The following AAK1 variants were observed in gnomAD, a reference collection of about 807,000 sequenced individuals.
AAK1 encodes AP2 associated kinase 1.
AAK1 carries 37 observed loss-of-function variants against 116.0 expected under a neutral mutation model. The observed-to-expected ratio is 0.32, with a 90% CI of 0.25 to 0.42. The LOEUF is 0.42. Among genes scored for constraint, AAK1 ranks in the 10% least tolerant of loss-of-function variants. The probability of loss-of-function intolerance (pLI) is 1.00; values close to 1 mark genes in which losing one functional copy is unlikely to be tolerated. For missense variants in AAK1, 919 were observed against 1,170.6 expected, an observed-to-expected ratio of 0.79 and a Z score of 3.14; for synonymous variants, 458 against 439.9, an observed-to-expected ratio of 1.04 and a Z score of -0.51.
intron 2 of AAK1, among the ~76,000 whole-genome samples, chr2:69,614,708 T>C (rs1212779304): frequency 6.6e-6 from 1 of 152,142 alleles, no homozygotes; most frequent in African/African-American, 2.4e-5. Flanking sequence ...GTAGGTGTAA[T>C]TAATTGAAAG....
chr2:69,559,271 C>T (rs1218932014), intron 2 of AAK1, among the ~76,000 whole-genome samples: 1 of 120,708 alleles, frequency 8.3e-6, no homozygotes, highest in South Asian at 2.6e-4. Context: ...CTCACACACA[C>T]ACACACACAC....
At chr2:69,639,207 TAATA>T (rs1358652313) in intron 2 of AAK1, among the ~76,000 whole-genome samples, 1 of 152,226 alleles carries the variant, frequency 6.6e-6, no homozygotes, top group Non-Finnish European at 1.5e-5. Context: ...TTCAACACAG[TAATA>T]AATAAACATT....
intron 5 of AAK1, among the ~76,000 whole-genome samples, chr2:69,540,190 C>T (rs1385113013): frequency 6.8e-6 from 1 of 147,820 alleles, no homozygotes; most frequent in East Asian, 2.0e-4. Context: ...GGCACAATCT[C>T]GGCTCACTGC....
rs1261264558 is a variant in AAK1, at chr2:69,544,473, A to C, written c.354T>G (p.Asp118Glu). The C allele has an allele frequency of 6.2e-7, 1 of 1,613,812 alleles. No individual in the cohort carries two copies. Among genetic ancestry groups the C allele is most frequent in the Admixed American group, 1.7e-5 (1 of 60,018 alleles). ...DSSINNVSSG[D>E]VWEVLILMDF... ...CCATCAGAATGAGCACTTCCCATACATCACCGCTACTCACGTTGTTGATAC... is the reference window on the plus strand; with the variant it reads ...CCATCAGAATGAGCACTTCCCATACCTCACCGCTACTCACGTTGTTGATAC... The change falls in exon 4 of 22, where the codon GAT becomes GAG. Residue 118 changes from aspartate to glutamate, a missense_variant. This residue lies in a region of AAK1 where 317 missense variants were observed against 490.4 expected (regional missense o/e 0.65). Coordinates refer to ENST00000409085, the MANE Select transcript of AAK1 (RefSeq NM_014911.5).
chr2:69,548,588 T>C (rs977889096), intron 3 of AAK1, among the ~76,000 whole-genome samples: 1 of 150,874 alleles, frequency 6.6e-6, no homozygotes, highest in Non-Finnish European at 1.5e-5. Flanking sequence ...TCTCTCTCTC[T>C]CTTTTTCTTC....
At chr2:69,574,329 G>T (rs1406849528) in intron 2 of AAK1, among the ~76,000 whole-genome samples, 1 of 134,330 alleles carries the variant, frequency 7.4e-6, no homozygotes, top group African/African-American at 2.9e-5. Context: ...AGTGAGCAGA[G>T]ATCACACCAC....
intron 2 of AAK1, among the ~76,000 whole-genome samples, chr2:69,627,525 GA>G (rs1355898755): frequency 2.0e-5 from 3 of 152,114 alleles, no homozygotes; most frequent in Non-Finnish European, 2.9e-5. Flanking sequence ...AACATTCCAG[GA>G]AAAGGCACCA....
chr2:69,553,445 T>G (rs1206408638), intron 3 of AAK1, among the ~76,000 whole-genome samples: 3 of 136,388 alleles, frequency 2.2e-5, no homozygotes, highest in Non-Finnish European at 3.2e-5. Flanking sequence ...TTGTTTTTTT[T>G]TTTTTTTTTT....
At chr2:69,618,876 C>A (rs1435389820) in intron 2 of AAK1, among the ~76,000 whole-genome samples, 3 of 152,186 alleles carry the variant, frequency 2.0e-5, no homozygotes, top group Admixed American at 6.5e-5. Context: ...TTCTGACACA[C>A]CCTCCAAGAC....
chr2:69,480,296 G>C, intron 19 of AAK1, among the ~76,000 whole-genome samples: 1 of 150,874 alleles, frequency 6.6e-6, no homozygotes, highest in Non-Finnish European at 1.5e-5. Flanking sequence ...TACCAAATCT[G>C]TATTTGTGGG....
intron 17 of AAK1, among the ~76,000 whole-genome samples, chr2:69,490,018 A>G (rs1030503344): frequency 6.6e-6 from 1 of 152,208 alleles, no homozygotes; most frequent in South Asian, 2.1e-4. Flanking sequence ...GAGAAAACAC[A>G]GCTTCTCTTG....
At chr2:69,582,905 C>G (rs1037456579) in intron 2 of AAK1, among the ~76,000 whole-genome samples, 1 of 152,218 alleles carries the variant, frequency 6.6e-6, no homozygotes, top group Non-Finnish European at 1.5e-5. Context: ...CCAGTGAGAG[C>G]CCCATATTAC....
rs745978422 is a variant in AAK1, at chr2:69,462,844, T to C, written c.*13025A>G. On this transcript the variant is annotated 3_prime_UTR_variant, in exon 22 of 22. Transcript: ENST00000409085. ...ATTATTCATTCAACTAGAAAGACAA[T>C]TTTGCATCCACTAATACATAAAAAT... The C allele has an allele frequency of 2.6e-5, 4 of 152,082 alleles. No individual in the cohort carries two copies. Among genetic ancestry groups the C allele is most frequent in the Non-Finnish European group, 5.9e-5 (4 of 68,006 alleles). The allele number at this position is 152,082 out of a possible 1,614,324, so 9.4% of individuals were successfully genotyped here.
At chr2:69,517,875 C>T (rs1676648867) in intron 12 of AAK1, among the ~76,000 whole-genome samples, 4 of 151,788 alleles carry the variant, frequency 2.6e-5, no homozygotes, top group South Asian at 2.1e-4. Context: ...TGTGTAATTC[C>T]GATGATTTGG....
At chr2:69,620,219 T>C (rs953437712) in intron 2 of AAK1, among the ~76,000 whole-genome samples, 1 of 152,190 alleles carries the variant, frequency 6.6e-6, no homozygotes, top group Admixed American at 6.5e-5. Context: ...ATAAACTGAA[T>C]GACAAGAGGT....
chr2:69,476,035 G>T, intron 21 of AAK1, 72 bp from the exon 22 acceptor site: 1 of 1,467,362 alleles, frequency 6.8e-7, no homozygotes. Context: ...AGCAAGCAAA[G>T]AAGAAAAACC....
At chr2:69,593,817 G>A (rs1454731715) in intron 2 of AAK1, among the ~76,000 whole-genome samples, 1 of 152,152 alleles carries the variant, frequency 6.6e-6, no homozygotes, top group African/African-American at 2.4e-5. Context: ...TCAATGCTGG[G>A]ATGCCTCAGA....
At chr2:69,494,316 C>G (rs1342444014) in intron 17 of AAK1, among the ~76,000 whole-genome samples, 1 of 152,102 alleles carries the variant, frequency 6.6e-6, no homozygotes, top group African/African-American at 2.4e-5. Flanking sequence ...TCTGGTGGCC[C>G]CAGACGCATT....
chr2:69,547,223 G>A (rs2105062699), intron 3 of AAK1, among the ~76,000 whole-genome samples: 1 of 152,178 alleles, frequency 6.6e-6, no homozygotes, highest in East Asian at 1.9e-4. Context: ...TCTTAGATAT[G>A]ACACTTAAAG....
Sources: allele counts gnomAD v4.1 joint callset (sites outside exome capture counted in the v4.1 genomes callset), GRCh38; gene constraint gnomAD v4.1.1; regional missense constraint gnomAD v4.1.1; transcripts MANE v1.5; gene names NCBI Gene and HGNC (gene_info 2026-07-23, HGNC 2026-07-21).